The following IL16 variants were observed in gnomAD, a reference collection of about 807,000 sequenced individuals.
IL16 encodes pro-interleukin-16.
In IL16, 67 loss-of-function variants were observed where a neutral mutation model predicts 110.1. The observed-to-expected ratio is 0.61, with a 90% CI of 0.50 to 0.75. The LOEUF is 0.75. Ranked by LOEUF, IL16 falls within the 30% of genes least tolerant of loss-of-function variation. The probability of loss-of-function intolerance (pLI) is 0.00; values close to 1 mark genes in which losing one functional copy is unlikely to be tolerated. For missense variants in IL16, 1,545 were observed against 1,655.0 expected (o/e 0.93, Z 1.15); for synonymous variants, 689 against 662.9 (o/e 1.04, Z -0.61).
At chr15:81,290,388 C>A in intron 10 of IL16, 65 bp from the exon 11 acceptor site, 1 of 1,146,586 alleles carries the variant, frequency 8.7e-7, no homozygotes, top group South Asian at 1.4e-5. Context: ...GGAGCTGGTA[C>A]GGGGCTGGGA....
chr15:81,207,246 C>CA (rs60442931), intron 1 of IL16, among the ~76,000 whole-genome samples: 3,172 of 102,610 alleles, frequency 0.031, 65 homozygotes, highest in African/African-American at 0.071. Flanking sequence ...TCAAAAAAAA[C>CA]AAAAAAAAAA....
intron 1 of IL16, among the ~76,000 whole-genome samples, chr15:81,209,781 G>T (rs189798191): frequency 6.6e-6 from 1 of 152,050 alleles, no homozygotes; most frequent in Non-Finnish European, 1.5e-5. Context: ...GCCTCCCCTC[G>T]CCAGTGGCCC....
chr15:81,276,829 ATGAGT>A (rs1212055733), intron 6 of IL16, among the ~76,000 whole-genome samples: 2 of 152,218 alleles, frequency 1.3e-5, no homozygotes, highest in Non-Finnish European at 2.9e-5. Flanking sequence ...TATCCTGAAA[ATGAGT>A]TTATAAAGAT....
intron 1 of IL16, among the ~76,000 whole-genome samples, chr15:81,224,945 A>G (rs1595965176): frequency 6.6e-6 from 1 of 152,262 alleles, no homozygotes; most frequent in East Asian, 1.9e-4. Flanking sequence ...AAACCTCACA[A>G]AGTACTGGCC....
chr15:81,301,591 AAGTAGCTTG>A, intron 15 of IL16, 79 bp downstream of exon 15: 2 of 1,316,882 alleles, frequency 1.5e-6, no homozygotes, highest in Non-Finnish European at 2.1e-6. Flanking sequence ...GCCAGAGGGG[AAGTAGCTTG>A]AGTAGCCTGC....
chr15:81,283,939 G>A lies in IL16; in HGVS notation c.1199+1183G>A, dbSNP rs369262648. ...GCTCACTTGAGCCAGGGAGGCAGAG[G>A]TTGCAGTAAGCCAAGATCGCACCAT... On this transcript the variant is annotated intron_variant, in intron 9 of 18. Coordinates refer to ENST00000683961, the MANE Select transcript of IL16 (RefSeq NM_172217.5). Among the ~76,000 whole-genome samples the A allele has an allele frequency of 4.7e-4, 71 of 150,098 alleles. 1 individual carries two copies. In the East Asian group the frequency reaches 0.011, roughly 24 times the overall value.
At position 81,199,038 on chromosome 15, in the gene IL16, T is replaced by A. The variant is rs1267754763; in HGVS notation, c.-102+1886T>A. Among the ~76,000 whole-genome samples, 512 of 61,842 alleles carry A rather than the reference T, an allele frequency of 8.3e-3. 6 individuals are homozygous for A. The highest frequency in any genetic ancestry group is 0.044 in the African/African-American group (310 of 7,014). The allele number at this position is 61,842 out of a possible 152,430, so 40.6% of individuals were successfully genotyped here. On this transcript the variant is annotated intron_variant, in intron 1 of 18. Transcript: ENST00000683961. ...CCATCTCAAAAAAAAAAAATATATA[T>A]ATATATATATATATATATATATAAA... is the stretch of plus-strand genomic sequence containing the variant.
At chr15:81,229,031 A>G (rs572724790) in intron 2 of IL16, among the ~76,000 whole-genome samples, 1 of 152,348 alleles carries the variant, frequency 6.6e-6, no homozygotes, top group East Asian at 1.9e-4. Flanking sequence ...CTTGATAAAT[A>G]TGATGATGAT....
chr15:81,185,228 C>T (rs150262385), intron 1 of IL16, among the ~76,000 whole-genome samples: 3 of 152,218 alleles, frequency 2.0e-5, no homozygotes, highest in Admixed American at 6.5e-5. Flanking sequence ...TAATGTTGCC[C>T]GGGACAAGCA....
At chr15:81,271,654 G>A (rs1047710972) in intron 5 of IL16, among the ~76,000 whole-genome samples, 2 of 152,180 alleles carry the variant, frequency 1.3e-5, no homozygotes, top group Non-Finnish European at 2.9e-5. Context: ...CAGGATGGGT[G>A]AGACTTTGAG....
chr15:81,212,250 T>A (rs1313192472), intron 1 of IL16, among the ~76,000 whole-genome samples: 2 of 152,136 alleles, frequency 1.3e-5, no homozygotes, highest in Admixed American at 1.3e-4. Context: ...TTCCAGGAAT[T>A]TATCTATTTC....
chr15:81,203,521 G>C (rs1444272324), intron 1 of IL16, among the ~76,000 whole-genome samples: 13 of 151,920 alleles, frequency 8.6e-5, no homozygotes, highest in African/African-American at 3.1e-4. Context: ...AAGGGATCCA[G>C]TTTCAGCTTT....
At chr15:81,193,620 C>T (rs76730794), upstream of IL16, among the ~76,000 whole-genome samples, 2,093 of 152,240 alleles carry the variant, frequency 0.014, 121 homozygotes, top group East Asian at 0.14. Flanking sequence ...CTAGAATTTT[C>T]GTATGAAGTT....
chr15:81,305,552 T>C (rs1900505783), intron 16 of IL16, among the ~76,000 whole-genome samples: 1 of 152,142 alleles, frequency 6.6e-6, no homozygotes, highest in Non-Finnish European at 1.5e-5. Context: ...CCCGTTAATA[T>C]GCCATAGAAT....
At chr15:81,281,712 C>T (rs1306561479) in intron 8 of IL16, among the ~76,000 whole-genome samples, 1 of 152,228 alleles carries the variant, frequency 6.6e-6, no homozygotes, top group Non-Finnish European at 1.5e-5. Flanking sequence ...ACATTACCAT[C>T]TGCCCAGTTA....
intron 1 of IL16, among the ~76,000 whole-genome samples, chr15:81,222,197 A>G (rs1896638302): frequency 6.6e-6 from 1 of 152,030 alleles, no homozygotes; most frequent in South Asian, 2.1e-4. Flanking sequence ...GTTATACCAG[A>G]ATCTGACACT....
intron 4 of IL16, among the ~76,000 whole-genome samples, chr15:81,266,514 A>C (rs1226312666): frequency 6.6e-6 from 1 of 152,172 alleles, no homozygotes; most frequent in Admixed American, 6.5e-5. Flanking sequence ...GATATAAAGC[A>C]CAGTGTACCC....
intron 2 of IL16, among the ~76,000 whole-genome samples, chr15:81,232,054 TTTTTTTTTTTTTC>T (rs1363990304): frequency 5.2e-5 from 7 of 133,568 alleles, no homozygotes; most frequent in African/African-American, 2.1e-4. Flanking sequence ...TTTTTTTTTT[TTTTTTTTTTTTTC>T]TTTTTTTTTT....
intron 1 of IL16, among the ~76,000 whole-genome samples, chr15:81,190,844 G>C (rs1212172758): frequency 6.6e-6 from 1 of 152,226 alleles, no homozygotes; most frequent in Non-Finnish European, 1.5e-5. Context: ...TATCATAGGA[G>C]AAGGGTACAG....
Sources: allele counts gnomAD v4.1 joint callset (sites outside exome capture counted in the v4.1 genomes callset), GRCh38; gene constraint gnomAD v4.1.1; transcripts MANE v1.5; gene names NCBI Gene and HGNC (gene_info 2026-07-23, HGNC 2026-07-21).